TMC1: variants seen among roughly 807,000 people sequenced by gnomAD.
TMC1 encodes transmembrane channel-like protein 1.
Under a neutral mutation model 105.8 loss-of-function variants are expected in TMC1, and 84 were observed. The ratio of observed to expected loss-of-function variants is 0.79; its 90% CI spans 0.67 to 0.95. The LOEUF is 0.95. Among genes scored for constraint, TMC1 ranks in the 40% least tolerant of loss-of-function variants. The pLI is 0.00. For synonymous variants in TMC1, 315 were observed against 311.5 expected, an observed-to-expected ratio of 1.01 and a Z score of -0.12; for missense variants, 817 against 914.1, an observed-to-expected ratio of 0.89 and a Z score of 1.37.
At chr9:72,666,539 AAATT>A in intron 5 of TMC1, among the ~76,000 whole-genome samples, 1 of 152,332 alleles carries the variant, frequency 6.6e-6, no homozygotes, top group East Asian at 1.9e-4. Context: ...GACTGGAAGG[AAATT>A]ACCATCTAAT....
chr9:72,630,031 A>AT (rs1379128049), intron 4 of TMC1, among the ~76,000 whole-genome samples: 4 of 151,664 alleles, frequency 2.6e-5, no homozygotes, highest in Admixed American at 2.6e-4. Context: ...ATGCCTGGCT[A>AT]TTTTTTGTAT....
intron 8 of TMC1, among the ~76,000 whole-genome samples, chr9:72,712,056 T>C (rs1173955418): frequency 6.6e-6 from 1 of 152,180 alleles, no homozygotes; most frequent in Non-Finnish European, 1.5e-5. Flanking sequence ...TTTTGTCAGG[T>C]TTGTCAAAGA....
At chr9:72,606,304 G>A (rs1180104454) in intron 2 of TMC1, among the ~76,000 whole-genome samples, 1 of 152,040 alleles carries the variant, frequency 6.6e-6, no homozygotes, top group African/African-American at 2.4e-5. Flanking sequence ...CAAAAGCATG[G>A]AATGGGGGTT....
chr9:72,607,000 T>TAGAGAGAGAGAGAGAG (rs796092443), intron 2 of TMC1, among the ~76,000 whole-genome samples: 10 of 128,734 alleles, frequency 7.8e-5, no homozygotes, highest in South Asian at 4.8e-4. Flanking sequence ...TATATATATA[T>TAGAGAGAGAGAGAGAG]ATAGAGAGAG....
chr9:72,790,254 A>T (rs1240375270), intron 15 of TMC1, among the ~76,000 whole-genome samples: 1 of 152,246 alleles, frequency 6.6e-6, no homozygotes, highest in Non-Finnish European at 1.5e-5. Context: ...TTATAAGCAT[A>T]GAATTTTCTA....
intron 19 of TMC1, chr9:72,817,052 T>G (rs963347033): frequency 6.6e-6 from 1 of 152,058 alleles, no homozygotes; most frequent in African/African-American, 2.4e-5. Context: ...ATAGACTCAG[T>G]TTTTGAACAA....
chr9:72,810,573 T>G (rs989745085), intron 18 of TMC1, among the ~76,000 whole-genome samples: 1 of 152,138 alleles, frequency 6.6e-6, no homozygotes, highest in African/African-American at 2.4e-5. Context: ...GTAACAGATT[T>G]TTATAAATAT....
At chr9:72,725,352 T>C (rs963292546) in intron 8 of TMC1, among the ~76,000 whole-genome samples, 1 of 82,062 alleles carries the variant, frequency 1.2e-5, no homozygotes, top group African/African-American at 5.1e-5. Context: ...TATATATATA[T>C]ATATATATAT....
chr9:72,720,704 G>T (rs1827007437), intron 8 of TMC1, among the ~76,000 whole-genome samples: 1 of 152,196 alleles, frequency 6.6e-6, no homozygotes, highest in African/African-American at 2.4e-5. Context: ...GAACAAACTG[G>T]ATGACACCAA....
chr9:72,583,991 C>T (rs1824511977), intron 2 of TMC1, among the ~76,000 whole-genome samples: 2 of 152,104 alleles, frequency 1.3e-5, no homozygotes, highest in African/African-American at 4.8e-5. Flanking sequence ...GTGGGTTTAC[C>T]ACGTGCCAGA....
chr9:72,531,764 A>AT (rs143978784), intron 1 of TMC1, among the ~76,000 whole-genome samples: 51 of 151,856 alleles, frequency 3.4e-4, no homozygotes, highest in Non-Finnish European at 6.0e-4. Context: ...CTAGGCACTG[A>AT]TTTTTTTTAC....
At chr9:72,633,364 T>C (rs1439111306) in intron 4 of TMC1, among the ~76,000 whole-genome samples, 1 of 152,196 alleles carries the variant, frequency 6.6e-6, no homozygotes, top group Non-Finnish European at 1.5e-5. Flanking sequence ...CATGCCTATG[T>C]GATTTTAAAT....
intron 2 of TMC1, among the ~76,000 whole-genome samples, chr9:72,585,717 T>C (rs1824544609): frequency 6.6e-6 from 1 of 152,128 alleles, no homozygotes; most frequent in Admixed American, 6.5e-5. Context: ...GGAGAAGTTA[T>C]TGGGTCATAT....
At chr9:72,600,033 G>A (rs1174124148) in intron 2 of TMC1, among the ~76,000 whole-genome samples, 1 of 152,124 alleles carries the variant, frequency 6.6e-6, no homozygotes, top group African/African-American at 2.4e-5. Flanking sequence ...AAGGCTTTGT[G>A]GAGGTTGTGT....
intron 8 of TMC1, among the ~76,000 whole-genome samples, chr9:72,709,176 GTA>G (rs1251288287): frequency 6.6e-6 from 1 of 152,064 alleles, no homozygotes; most frequent in Non-Finnish European, 1.5e-5. Flanking sequence ...ATTTACAAGT[GTA>G]TGTCAAACTA....
At chr9:72,727,947 C>A (rs1296816538) in intron 8 of TMC1, among the ~76,000 whole-genome samples, 5 of 151,992 alleles carry the variant, frequency 3.3e-5, no homozygotes, top group Non-Finnish European at 7.4e-5. Flanking sequence ...TATAAAGTTA[C>A]CATTATAAAA....
At chr9:72,822,514 TTGTG>T (rs368968408) in intron 20 of TMC1, among the ~76,000 whole-genome samples, 15,039 of 135,614 alleles carry the variant, frequency 0.11, 823 homozygotes, top group African/African-American at 0.17. Context: ...GTTAATTCCG[TTGTG>T]TGTGTGTGTG....
rs138308578 is a variant in TMC1, at chr9:72,829,446, T to A, written c.2130-1005T>A. Among the ~76,000 whole-genome samples, 622 of 152,300 alleles carry A rather than the reference T, an allele frequency of 4.1e-3. 4 individuals are homozygous for A. The highest frequency in any genetic ancestry group is 0.014 in the African/African-American group (587 of 41,554). ...GAAAGGACTTGTGAAATCTTTGAGT[T>A]CATCTTCCAAATCCAGGAACTTTTC... On this transcript the variant is annotated intron_variant, in intron 21 of 23. Transcript: ENST00000297784.
intron 4 of TMC1, among the ~76,000 whole-genome samples, chr9:72,641,673 TCC>T: frequency 2.6e-5 from 1 of 39,136 alleles, no homozygotes; most frequent in Non-Finnish European, 5.0e-5. Context: ...CATTCATCCC[TCC>T]TTCTTGGATC....
Sources: allele counts gnomAD v4.1 joint callset (sites outside exome capture counted in the v4.1 genomes callset), GRCh38; gene constraint gnomAD v4.1.1; transcripts MANE v1.5; gene names NCBI Gene and HGNC (gene_info 2026-07-23, HGNC 2026-07-21).